BRAP: variants seen among roughly 807,000 people sequenced by gnomAD.
The protein encoded by BRAP is BRCA1 associated protein, also known as BRCA1-associated protein.
BRAP carries 42 observed loss-of-function variants against 73.4 expected under a neutral mutation model. That is an observed-to-expected ratio of 0.57 (90% CI 0.45 to 0.74). The LOEUF (loss-of-function observed/expected upper bound fraction) is 0.74. Ranked by LOEUF, BRAP falls within the 30% of genes least tolerant of loss-of-function variation. BRAP has a pLI of 0.00. For missense variants in BRAP, 593 were observed against 751.4 expected, an observed-to-expected ratio of 0.79 and a Z score of 2.46; for synonymous variants, 255 against 267.4, an observed-to-expected ratio of 0.95 and a Z score of 0.45.
At chr12:111,683,426 C>G (rs1427147943) in intron 1 of BRAP, 119 bp from the exon 2 acceptor site, 1 of 1,176,022 alleles carries the variant, frequency 8.5e-7, no homozygotes, top group African/African-American at 1.5e-5. Context: ...TGATAAGAAG[C>G]CTTTGTAGTA....
At chr12:111,677,554 T>C (rs886500188) in intron 4 of BRAP, among the ~76,000 whole-genome samples, 1 of 152,194 alleles carries the variant, frequency 6.6e-6, no homozygotes, top group East Asian at 1.9e-4. Context: ...CAAGGGATTG[T>C]AGTGAGGATT....
At chr12:111,647,172 A>G (rs1015164939) in intron 11 of BRAP, among the ~76,000 whole-genome samples, 1 of 152,200 alleles carries the variant, frequency 6.6e-6, no homozygotes, top group Non-Finnish European at 1.5e-5. Context: ...CAGGAAGCTC[A>G]GACTAGGAGG....
intron 5 of BRAP, chr12:111,669,881 T>C (rs1887102789): frequency 1.6e-6 from 1 of 645,072 alleles, no homozygotes; most frequent in South Asian, 1.8e-5. Context: ...ATTTCCAACA[T>C]AAGATTTTAT....
At chr12:111,685,305 A>G (rs988314465) in intron 1 of BRAP, among the ~76,000 whole-genome samples, 9 of 152,218 alleles carry the variant, frequency 5.9e-5, no homozygotes, top group African/African-American at 2.2e-4. Flanking sequence ...AGTTATGACT[A>G]TGGTTAGGGG....
intron 10 of BRAP, among the ~76,000 whole-genome samples, chr12:111,651,181 A>T (rs1437621382): frequency 6.8e-6 from 1 of 148,026 alleles, no homozygotes; most frequent in Admixed American, 6.6e-5. Context: ...CTTTTTAATC[A>T]TTTTCCATAC....
intron 1 of BRAP, among the ~76,000 whole-genome samples, chr12:111,684,790 T>C (rs567560151): frequency 6.6e-6 from 1 of 151,980 alleles, no homozygotes; most frequent in Non-Finnish European, 1.5e-5. Flanking sequence ...TGCCTCAGCC[T>C]CCCCAGTAGC....
At chr12:111,653,785 C>G (rs577301916) in intron 10 of BRAP, among the ~76,000 whole-genome samples, 89 of 152,240 alleles carry the variant, frequency 5.8e-4, no homozygotes, top group African/African-American at 2.1e-3. Context: ...AGGACCGTGG[C>G]AGAACAAAAG....
Position 111,681,780 on chromosome 12 carries a change from C to T in BRAP, c.300G>A (p.Ala100=), listed in dbSNP as rs142262681. Residue 100 remains alanine, a synonymous_variant, in exon 3 of 12, where the codon GCG becomes GCA. Transcript: ENST00000419234. ...CCTTACTGTGATCTTTACTTCTTTG[C>T]GCAGTGGGGGAGGCTTCTGAAGACT... ...ERKSSEASPT[A]QRSKDHSKEC... The T allele has an allele frequency of 2.0e-5, 32 of 1,613,926 alleles. No homozygotes were observed. The highest frequency in any genetic ancestry group is 2.7e-5 in the African/African-American group (2 of 74,996).
intron 1 of BRAP, 65 bp downstream of exon 1, chr12:111,685,646 T>C (rs1887795858): frequency 3.3e-6 from 5 of 1,528,650 alleles, no homozygotes; most frequent in Non-Finnish European, 4.4e-6. Context: ...GCCAGTGCTT[T>C]GGGAAGGGAA....
intron 10 of BRAP, 38 bp downstream of exon 10, chr12:111,655,528 G>T: frequency 6.5e-7 from 1 of 1,529,032 alleles, no homozygotes; most frequent in Non-Finnish European, 9.1e-7. Context: ...GCCCTGCCAT[G>T]TGTCATTTCC....
intron 5 of BRAP, among the ~76,000 whole-genome samples, chr12:111,666,552 T>C (rs1046825669): frequency 6.6e-6 from 1 of 152,062 alleles, no homozygotes; most frequent in Non-Finnish European, 1.5e-5. Context: ...CAAAAAACAG[T>C]CAGCTCCTGC....
chr12:111,679,283 T>C lies in BRAP; in HGVS notation c.501A>G (p.Thr167=). The C allele has an allele frequency of 6.2e-7, 1 of 1,608,788 alleles. No homozygotes were observed. Among genetic ancestry groups the C allele is most frequent in the Non-Finnish European group, 8.5e-7 (1 of 1,176,938 alleles). Reference sequence around the variant, plus strand: ...CATGACTGGTCATTGCAGCAGGGACTGTGAGAATACACAGCATGGCACTGC... The same window carrying C: ...CATGACTGGTCATTGCAGCAGGGACCGTGAGAATACACAGCATGGCACTGC... ...VRRSAMLCIL[T]VPAAMTSHDL... is the part of the protein sequence containing the mutation. The change falls in exon 4 of 12, where the codon ACA becomes ACG. Residue 167 remains threonine (T), a synonymous_variant. Coordinates refer to ENST00000419234, the MANE Select transcript of BRAP (RefSeq NM_006768.5).
Position 111,660,675 on chromosome 12 carries a change from C to T in BRAP, c.897G>A (p.Thr299=). 1 of 1,603,120 alleles carries T rather than the reference C, an allele frequency of 6.2e-7. No homozygotes were observed. Among genetic ancestry groups the T allele is most frequent in the Non-Finnish European group, 8.5e-7 (1 of 1,175,018 alleles). Residue 299 remains threonine, a splice_region_variant and synonymous_variant, in exon 7 of 12, where the codon ACG becomes ACA. Coordinates refer to ENST00000419234, the MANE Select transcript of BRAP (RefSeq NM_006768.5). The stretch of plus-strand genomic sequence containing the variant: ...TTTGACAGTACCGGCAAACAGGACA[C>T]CTATCCAGGACACCAAAAGATAATG... ...SQCLQRWDDT[T]CPVCRYCQTP...
chr12:111,653,931 T>G (rs1886416671), intron 10 of BRAP, among the ~76,000 whole-genome samples: 1 of 152,192 alleles, frequency 6.6e-6, no homozygotes, highest in Admixed American at 6.5e-5. Flanking sequence ...CAAACATAAG[T>G]TTCAGTGTTT....
At chr12:111,670,308 C>T (rs1364889899) in intron 5 of BRAP, 5 of 557,162 alleles carry the variant, frequency 9.0e-6, no homozygotes, top group Non-Finnish European at 1.8e-5. Context: ...TCTGCCTCTT[C>T]TTCAGGTCCT....
At chr12:111,647,424 G>A (rs149140183) in intron 11 of BRAP, among the ~76,000 whole-genome samples, 171 of 152,264 alleles carry the variant, frequency 1.1e-3, no homozygotes, top group Non-Finnish European at 2.0e-3. Flanking sequence ...TTCTATTTTT[G>A]CAGAGAAAAG....
intron 3 of BRAP, among the ~76,000 whole-genome samples, chr12:111,679,834 G>T: frequency 7.5e-6 from 1 of 133,952 alleles, no homozygotes; most frequent in Non-Finnish European, 1.5e-5. Flanking sequence ...CCAATATCGC[G>T]CCATTGCACT....
At chr12:111,657,082 C>T (rs753006840) in intron 9 of BRAP, among the ~76,000 whole-genome samples, 7 of 151,880 alleles carry the variant, frequency 4.6e-5, no homozygotes, top group African/African-American at 7.3e-5. Flanking sequence ...TCGCTCTTGT[C>T]GCCCAGGCTG....
At chr12:111,668,662 ATTTGTTTTTT>A (rs1887049495) in intron 5 of BRAP, among the ~76,000 whole-genome samples, 2 of 145,162 alleles carry the variant, frequency 1.4e-5, no homozygotes, top group African/African-American at 5.1e-5. Context: ...TTTTTTTTTA[ATTTGTTTTTT>A]TTGAGACAGA....
Sources: gnomAD v4.1 joint callset for allele counts (sites outside exome capture counted in the v4.1 genomes callset) on GRCh38, gnomAD v4.1.1 for gene constraint, MANE v1.5 for transcripts, NCBI Gene and HGNC (gene_info 2026-07-23, HGNC 2026-07-21) for gene names.